Variants in TMEM131L observed in about 807,000 individuals in gnomAD.
TMEM131L encodes the protein transmembrane 131 like.
In TMEM131L, 54 loss-of-function variants were observed where a neutral mutation model predicts 192.2. The ratio of observed to expected loss-of-function variants is 0.28; its 90% CI spans 0.23 to 0.35. TMEM131L has a LOEUF of 0.35. Among genes scored for constraint, TMEM131L ranks in the 10% least tolerant of loss-of-function variants. The pLI, the probability that TMEM131L is intolerant of heterozygous loss-of-function variation, is 1.00. For synonymous variants in TMEM131L, 701 were observed against 704.9 expected (o/e 0.99, Z 0.09); for missense variants, 1,888 against 1,972.9 (o/e 0.96, Z 0.82).
chr4:153,593,837 G>C lies in TMEM131L; in HGVS notation c.1961G>C (p.Gly654Ala), dbSNP rs1160924386. ...ATGCAGATGATTAATTTCACAACTGGTGAATTCCAGCTCACCGAAGCTTGC... is the reference window on the plus strand; with the variant it reads ...ATGCAGATGATTAATTTCACAACTGCTGAATTCCAGCTCACCGAAGCTTGC... ...TDMQMINFTTGEFQLTEACPY... is the reference protein window; with the variant it reads ...TDMQMINFTTAEFQLTEACPY... The change falls in exon 19 of 35, where the codon GGT becomes GCT. Residue 654 changes from glycine to alanine, a missense_variant. Coordinates refer to ENST00000409959, the MANE Select transcript of TMEM131L (RefSeq NM_001131007.2). 1 of 1,613,570 alleles carries C rather than the reference G, an allele frequency of 6.2e-7. No individual in the cohort carries two copies. Among genetic ancestry groups the C allele is most frequent in the Non-Finnish European group, 8.5e-7 (1 of 1,179,620 alleles).
At position 153,555,323 on chromosome 4, in the gene TMEM131L, A is replaced by G. The variant is rs35870348; in HGVS notation, c.309-464A>G. Among the ~76,000 whole-genome samples, 18,590 of 152,212 alleles carry G rather than the reference A, an allele frequency of 0.12. 1,744 individuals are homozygous for G. Among genetic ancestry groups the G allele is most frequent in the African/African-American group, 0.27 (11,159 of 41,482 alleles). ...AAAAATTGGGTTTTTCTGTGAGTAC[A>G]GTTTCTTACCTAAACATATTTTCGT... On this transcript the variant is annotated intron_variant, in intron 4 of 34. Transcript: ENST00000409959. The surrounding 1 kb of genome is among the most constrained non-coding windows in gnomAD (Gnocchi z 4.1).
chr4:153,588,043 T>C (rs1164363447), intron 15 of TMEM131L, among the ~76,000 whole-genome samples: 2 of 95,986 alleles, frequency 2.1e-5, no homozygotes, highest in Non-Finnish European at 3.8e-5. Context: ...CCGCAAGGGT[T>C]TTTTTTTTTT....
At chr4:153,497,881 A>G (rs1733299222) in intron 3 of TMEM131L, among the ~76,000 whole-genome samples, 1 of 138,010 alleles carries the variant, frequency 7.2e-6, no homozygotes, top group African/African-American at 2.6e-5. Context: ...AAATTTCCAA[A>G]AAAAAAAAAA....
At chr4:153,557,130 G>A (rs370709412) in intron 6 of TMEM131L, 48 bp downstream of exon 6, 8 of 822,544 alleles carry the variant, frequency 9.7e-6, no homozygotes, top group Non-Finnish European at 1.5e-5. Context: ...TGACTTAACT[G>A]TAGGGGTGTG....
At chr4:153,625,388 C>G (rs770297064) in intron 29 of TMEM131L, among the ~76,000 whole-genome samples, 6 of 149,918 alleles carry the variant, frequency 4.0e-5, no homozygotes, top group African/African-American at 1.5e-4. Flanking sequence ...GACTCTGTCT[C>G]GACAAAAAAA....
Position 153,586,250 on chromosome 4 carries a change from T to G in TMEM131L, c.1353T>G (p.Cys451Trp). ...FTGPLFLPPGCWNIFSLKLAV... is the reference protein window; with the variant it reads ...FTGPLFLPPGWWNIFSLKLAV... ...GCCCTTTATTTCTACCTCCAGGCTG[T>G]TGGAATATATTTTCTTTGAAACTTG... is the stretch of plus-strand genomic sequence containing the variant. The change falls in exon 14 of 35, where the codon TGT becomes TGG. Residue 451 changes from cysteine (C) to tryptophan (W), a missense_variant. By Grantham distance (215) the Cys-to-Trp change is radical. Transcript: ENST00000409959. 1 of 1,594,710 alleles carries G rather than the reference T, an allele frequency of 6.3e-7. No homozygotes were observed.
chr4:153,613,763 A>G (rs1025135465), intron 26 of TMEM131L, among the ~76,000 whole-genome samples: 11 of 152,170 alleles, frequency 7.2e-5, no homozygotes, highest in Admixed American at 7.2e-4. Flanking sequence ...GAGGTTTGCA[A>G]AGTAATTAAT....
chr4:153,589,185 A>G (rs1259976907), intron 16 of TMEM131L, among the ~76,000 whole-genome samples, 178 bp downstream of exon 16: 1 of 152,188 alleles, frequency 6.6e-6, no homozygotes, highest in Non-Finnish European at 1.5e-5. Flanking sequence ...ATAATTTCAC[A>G]AATAGAAGAT....
At chr4:153,484,187 A>G (rs1330076511) in intron 3 of TMEM131L, among the ~76,000 whole-genome samples, 2 of 152,210 alleles carry the variant, frequency 1.3e-5, no homozygotes, top group African/African-American at 4.8e-5. Flanking sequence ...CACATATGAA[A>G]TATGACCCTG....
chr4:153,554,901 A>C (rs1267910028), intron 4 of TMEM131L, among the ~76,000 whole-genome samples: 1 of 152,228 alleles, frequency 6.6e-6, no homozygotes, highest in Non-Finnish European at 1.5e-5. Flanking sequence ...TCCTCTTGGC[A>C]ATTCCTTTAT....
rs187594953 is a variant in TMEM131L, at chr4:153,611,911, G to A, written c.3419-341G>A. On this transcript the variant is annotated intron_variant, in intron 25 of 34. Transcript: ENST00000409959. The stretch of plus-strand genomic sequence containing the variant: ...AATGAGTCATGCTGAATGGTATTCT[G>A]TTGTATGTATATACCATATTTTGTT... Among the ~76,000 whole-genome samples the A allele has an allele frequency of 2.6e-5, 4 of 152,206 alleles. No homozygotes were observed. In the East Asian group the frequency reaches 7.7e-4, roughly 29 times the overall value.
Position 153,592,577 on chromosome 4 carries a change from C to T in TMEM131L, c.1915C>T (p.His639Tyr), listed in dbSNP as rs1478268040. The change falls in exon 18 of 35, where the codon CAC becomes TAC. Residue 639 changes from histidine to tyrosine, a missense_variant. His to Tyr is a moderately conservative substitution (Grantham distance 83). Transcript: ENST00000409959. ...ACCCGAAGCCCTAGTGCACCTGCTCCACAGATGGTATGAAGACTTTTTTTC... is the reference window on the plus strand; with the variant it reads ...ACCCGAAGCCCTAGTGCACCTGCTCTACAGATGGTATGAAGACTTTTTTTC... ...PKPEALVHLL[H>Y]RWFGTDMQMI... 1 of 1,606,898 alleles carries T rather than the reference C, an allele frequency of 6.2e-7. No homozygotes were observed. Among genetic ancestry groups the T allele is most frequent in the South Asian group, 1.1e-5 (1 of 90,974 alleles).
Position 153,636,380 on chromosome 4 carries a change from A to G in TMEM131L, c.4637A>G (p.Tyr1546Cys). The G allele has an allele frequency of 1.2e-6, 2 of 1,614,134 alleles. No homozygotes were observed. Among genetic ancestry groups the G allele is most frequent in the Non-Finnish European group, 1.7e-6 (2 of 1,180,026 alleles). Residue 1546 changes from tyrosine to cysteine, a missense_variant, in exon 35 of 35, where the codon TAT becomes TGT. Physicochemically the swap from Tyr to Cys is radical, Grantham distance 194. Coordinates refer to ENST00000409959, the MANE Select transcript of TMEM131L (RefSeq NM_001131007.2). ...GSIWAPQSDVYENCCPINPTT... is the reference protein window; with the variant it reads ...GSIWAPQSDVCENCCPINPTT... ...ATCTGGGCCCCGCAAAGCGATGTGT[A>G]TGAAAATTGCTGCCCCATCAACCCC...
intron 3 of TMEM131L, among the ~76,000 whole-genome samples, chr4:153,544,245 C>T (rs1737005307): frequency 6.6e-6 from 1 of 152,234 alleles, no homozygotes; most frequent in South Asian, 2.1e-4. Context: ...GATGTAGGTG[C>T]TCACTGTTGT....
chr4:153,489,541 G>C (rs913899224), intron 3 of TMEM131L, among the ~76,000 whole-genome samples: 1 of 152,106 alleles, frequency 6.6e-6, no homozygotes. Flanking sequence ...GCGGTGGTAC[G>C]ATCTCAGTTC....
intron 3 of TMEM131L, among the ~76,000 whole-genome samples, chr4:153,540,956 G>A (rs1736733855): frequency 6.6e-6 from 1 of 152,168 alleles, no homozygotes; most frequent in South Asian, 2.1e-4. Context: ...GTTAATGCTG[G>A]AGGTATCTAA....
rs576259334 is a variant in TMEM131L, at chr4:153,605,539, T to C, written c.3418+1109T>C. The stretch of plus-strand genomic sequence containing the variant: ...CATGCCATCATGCCCAACTAATTTT[T>C]GTACTGTTTTGTAGAGATGGGGTTT... On this transcript the variant is annotated intron_variant, in intron 25 of 34. Transcript: ENST00000409959. Among the ~76,000 whole-genome samples the C allele has an allele frequency of 3.3e-5, 5 of 152,274 alleles. No homozygotes were observed. In the South Asian group the frequency reaches 8.3e-4, roughly 25 times the overall value.
intron 11 of TMEM131L, 59 bp downstream of exon 11, chr4:153,583,731 A>G: frequency 3.1e-6 from 3 of 958,806 alleles, no homozygotes; most frequent in Admixed American, 4.4e-5. Flanking sequence ...CATGATGGCA[A>G]CTCTTTCTAC....
At position 153,622,054 on chromosome 4, in the gene TMEM131L, C is replaced by T. The variant is rs540541965; in HGVS notation, c.3859+205C>T. 3.3e-4 allele frequency among the ~76,000 whole-genome samples: 50 copies of T among 152,284 alleles called. No individual in the cohort carries two copies. In the East Asian group the frequency reaches 5.8e-3, roughly 18 times the overall value. On this transcript the variant is annotated intron_variant, in intron 28 of 34. Coordinates refer to ENST00000409959, the MANE Select transcript of TMEM131L (RefSeq NM_001131007.2). ...TCTCAGTAGGCCTCTAGTGCTGCCCCCCAGCCCCCCAGTCTGGCCAGTCGC... is the reference window on the plus strand; with the variant it reads ...TCTCAGTAGGCCTCTAGTGCTGCCCTCCAGCCCCCCAGTCTGGCCAGTCGC...
Sources: gnomAD v4.1 joint callset for allele counts (sites outside exome capture counted in the v4.1 genomes callset) on GRCh38, gnomAD v4.1.1 for gene constraint, Gnocchi (gnomAD v3.1) non-coding constraint, MANE v1.5 for transcripts, NCBI Gene and HGNC (gene_info 2026-07-23, HGNC 2026-07-21) for gene names.